Variants in ARID2 observed in about 807,000 individuals in gnomAD.
The protein encoded by ARID2 is AT-rich interactive domain-containing protein 2.
A neutral mutation model predicts 184.6 loss-of-function variants in ARID2; 32 were observed. That is an observed-to-expected ratio of 0.17 (90% CI 0.13 to 0.23). The LOEUF is 0.23. Ranked by LOEUF, ARID2 falls within the 10% of genes least tolerant of loss-of-function variation. The pLI, the probability that ARID2 is intolerant of heterozygous loss-of-function variation, is 1.00. For missense variants in ARID2, 1,696 were observed against 2,197.6 expected (o/e 0.77, Z 4.56); for synonymous variants, 836 against 772.6 (o/e 1.08, Z -1.36).
intron 5 of ARID2, among the ~76,000 whole-genome samples, chr12:45,818,910 G>A (rs1942852129): frequency 6.6e-6 from 1 of 152,082 alleles, no homozygotes; most frequent in South Asian, 2.1e-4. Flanking sequence ...TTGATTACAT[G>A]GATGGGGATG....
At chr12:45,856,970 G>A (rs185385657) in intron 15 of ARID2, among the ~76,000 whole-genome samples, 1 of 152,050 alleles carries the variant, frequency 6.6e-6, no homozygotes, top group South Asian at 2.1e-4. Context: ...ATTGGTATCT[G>A]TTGGAAACAT....
chr12:45,817,681 C>CA lies in ARID2; in HGVS notation c.433dup (p.Ser145LysfsTer9). The CA allele has an allele frequency of 6.2e-7, 1 of 1,604,234 alleles. No individual in the cohort carries two copies. The highest frequency in any genetic ancestry group is 8.5e-7 in the Non-Finnish European group (1 of 1,177,284). On this transcript the variant is annotated frameshift_variant, in exon 5 of 21. Coordinates refer to ENST00000334344, the MANE Select transcript of ARID2 (RefSeq NM_152641.4). LOFTEE classifies it high-confidence loss of function. ...TTTTTCTTTGTTAGATTATCTGCGT[C>CA]AAAGTTATGGGCTGTCCATGGACTT...
Position 45,815,670 on chromosome 12 carries a change from ATTG to A in ARID2, c.419-1994_419-1992del, listed in dbSNP as rs1273002263. On this transcript the variant is annotated intron_variant, in intron 4 of 20. Coordinates refer to ENST00000334344, the MANE Select transcript of ARID2 (RefSeq NM_152641.4). ...GATATTTCCGAAATATTCTTTTGTT[ATTG>A]TTGTTAAGAGACAGGTCTCACTTCG... Among the ~76,000 whole-genome samples the A allele has an allele frequency of 5.3e-5, 8 of 151,686 alleles. No individual in the cohort carries two copies. The East Asian group carries it at 1.4e-3, about 26-fold the overall frequency.
rs181904625 is a variant in ARID2 at position 45,906,961 on chromosome 12, A to G, written c.*1883A>G. 3 of 231,928 alleles carry G rather than the reference A, an allele frequency of 1.3e-5. No homozygotes were observed. The highest frequency in any genetic ancestry group is 6.1e-5 in the East Asian group (1 of 16,330). 14.4% of individuals were successfully genotyped at this position (231,928 alleles called of 1,614,324 possible). On this transcript the variant is annotated 3_prime_UTR_variant, in exon 21 of 21. Transcript: ENST00000334344. ...TTAGAGTGAAAAAGCCTCAGTTTCC[A>G]TATTAAAAATGTTTTAAATATTTTG...
intron 16 of ARID2, chr12:45,874,377 A>G (rs777546509): frequency 6.1e-5 from 11 of 179,328 alleles, no homozygotes; most frequent in Non-Finnish European, 1.1e-4. Context: ...CCCTGCTGCT[A>G]TGTTATCAAC....
At chr12:45,842,757 A>G (rs1943374640) in intron 11 of ARID2, among the ~76,000 whole-genome samples, 1 of 148,138 alleles carries the variant, frequency 6.8e-6, no homozygotes, top group African/African-American at 2.5e-5. Context: ...CTCCATCTCA[A>G]AAAAAAAAAA....
chr12:45,794,460 G>A (rs552640598), intron 3 of ARID2, among the ~76,000 whole-genome samples: 17 of 152,198 alleles, frequency 1.1e-4, no homozygotes, highest in African/African-American at 4.1e-4. Context: ...AATTTTGAAG[G>A]GATACACTTA....
chr12:45,805,656 T>C (rs1942586295), intron 3 of ARID2, among the ~76,000 whole-genome samples: 1 of 152,154 alleles, frequency 6.6e-6, no homozygotes, highest in Non-Finnish European at 1.5e-5. Context: ...TAAAATTGTA[T>C]GATTTTAAGG....
At chr12:45,817,639 A>G (rs1942828903) in intron 4 of ARID2, 31 bp from the exon 5 acceptor site, 1 of 1,537,908 alleles carries the variant, frequency 6.5e-7, no homozygotes. Flanking sequence ...CTGATCTTTG[A>G]TATACTTAAG....
At chr12:45,880,523 G>T (rs867031934) in intron 16 of ARID2, among the ~76,000 whole-genome samples, 2 of 152,028 alleles carry the variant, frequency 1.3e-5, no homozygotes, top group East Asian at 1.9e-4. Flanking sequence ...TAATTTTTTT[G>T]TTTGTTTGTT....
At chr12:45,838,991 G>C (rs558158385) in intron 10 of ARID2, among the ~76,000 whole-genome samples, 2 of 149,968 alleles carry the variant, frequency 1.3e-5, no homozygotes, top group African/African-American at 4.9e-5. Flanking sequence ...TCAGCCTTCC[G>C]AGTAGCTGGG....
At chr12:45,879,573 T>TTCAA (rs1317789033) in intron 16 of ARID2, among the ~76,000 whole-genome samples, 13 of 152,326 alleles carry the variant, frequency 8.5e-5, no homozygotes, top group Admixed American at 4.6e-4. Flanking sequence ...ATTCTCTGTA[T>TTCAA]TCAAGGGTCT....
rs147579127 is a variant in ARID2, at chr12:45,794,362, T to C, written c.285-17056T>C. On this transcript the variant is annotated intron_variant, in intron 3 of 20. Transcript: ENST00000334344. ...TTTCTTGTTATTAATTTTCAAAAAT[T>C]ATTGGAAAATATGAAGAAAACATCT... is the stretch of plus-strand genomic sequence containing the variant. 8.7e-4 allele frequency among the ~76,000 whole-genome samples: 132 copies of C among 152,304 alleles called. 3 individuals are homozygous for C. The East Asian group carries it at 0.022, about 26-fold the overall frequency.
chr12:45,742,968 T>G (rs1941290913), intron 3 of ARID2, among the ~76,000 whole-genome samples: 1 of 152,178 alleles, frequency 6.6e-6, no homozygotes, highest in Non-Finnish European at 1.5e-5. Flanking sequence ...TTGTCTGGCT[T>G]GTTAAATTTC....
intron 15 of ARID2, among the ~76,000 whole-genome samples, chr12:45,856,728 GA>G (rs1018629384): frequency 1.3e-5 from 2 of 151,624 alleles, no homozygotes; most frequent in African/African-American, 2.4e-5. Context: ...TTTTATTACA[GA>G]AAAAAATAGC....
At chr12:45,788,665 A>C (rs192496788) in intron 3 of ARID2, among the ~76,000 whole-genome samples, 3 of 152,156 alleles carry the variant, frequency 2.0e-5, no homozygotes, top group Non-Finnish European at 4.4e-5. Context: ...TTTCTTTTGT[A>C]TTCCCCAAAC....
intron 3 of ARID2, among the ~76,000 whole-genome samples, chr12:45,754,168 A>T (rs1941519929): frequency 6.6e-6 from 1 of 152,232 alleles, no homozygotes; most frequent in African/African-American, 2.4e-5. Flanking sequence ...CATTTCATTC[A>T]CTTGAATGCA....
At chr12:45,748,860 C>T (rs1268464489) in intron 3 of ARID2, among the ~76,000 whole-genome samples, 1 of 152,050 alleles carries the variant, frequency 6.6e-6, no homozygotes, top group African/African-American at 2.4e-5. Context: ...CATGAGATTG[C>T]AGCAGTTCAG....
At position 45,894,554 on chromosome 12, in the gene ARID2, G is replaced by A. The variant is rs187618820; in HGVS notation, c.5363+833G>A. 5.3e-5 allele frequency among the ~76,000 whole-genome samples: 8 copies of A among 152,124 alleles called. No homozygotes were observed. The East Asian group carries it at 1.2e-3, about 22-fold the overall frequency. On this transcript the variant is annotated intron_variant, in intron 20 of 20. Coordinates refer to ENST00000334344, the MANE Select transcript of ARID2 (RefSeq NM_152641.4). ...GAATTTTCTAAGCATAAAAATAGTGGTATCAATTATAAAAAGAAAATGAAT... is the reference window on the plus strand; with the variant it reads ...GAATTTTCTAAGCATAAAAATAGTGATATCAATTATAAAAAGAAAATGAAT...
Sources: allele counts gnomAD v4.1 joint callset (sites outside exome capture counted in the v4.1 genomes callset), GRCh38; gene constraint gnomAD v4.1.1; transcripts MANE v1.5; gene names NCBI Gene and HGNC (gene_info 2026-07-23, HGNC 2026-07-21).